SS18L2: variants seen among roughly 807,000 people sequenced by gnomAD.
The protein encoded by SS18L2 is SS18 like 2.
A neutral mutation model predicts 10.3 loss-of-function variants in SS18L2; 8 were observed. The observed-to-expected ratio is 0.78, with a 90% CI of 0.46 to 1.41. The LOEUF (loss-of-function observed/expected upper bound fraction) is 1.41. SS18L2 is among the 40% of genes most tolerant of loss of function. The probability of loss-of-function intolerance (pLI) is 0.00; values close to 1 mark genes in which losing one functional copy is unlikely to be tolerated. For missense variants in SS18L2, 100 were observed against 96.2 expected (o/e 1.04, Z -0.17); for synonymous variants, 41 against 34.6 (o/e 1.19, Z -0.65).
chr3:42,594,644 C>T lies in SS18L2; in HGVS notation c.*135C>T. The T allele has an allele frequency of 1.5e-6, 1 of 658,558 alleles. No individual in the cohort carries two copies. Among genetic ancestry groups the T allele is most frequent in the Non-Finnish European group, 2.6e-6 (1 of 388,418 alleles). The allele number at this position is 658,558 out of a possible 1,614,324, so 40.8% of individuals were successfully genotyped here. ...AAACATGAATGAAACCTCTGTGGCT[C>T]TTTCGAAACGTGAAAATGTGAAGAA... On this transcript the variant is annotated 3_prime_UTR_variant, in exon 3 of 3. Transcript: ENST00000011691.
Position 42,595,018 on chromosome 3 carries a change from T to A in SS18L2, c.*509T>A, listed in dbSNP as rs1704988487. The A allele has an allele frequency of 6.6e-6, 1 of 152,394 alleles. No homozygotes were observed. The highest frequency in any genetic ancestry group is 1.5e-5 in the Non-Finnish European group (1 of 68,180). The allele number at this position is 152,394 out of a possible 1,614,324, so 9.4% of individuals were successfully genotyped here. A position where few individuals can be genotyped will look rare whatever the true frequency, so the allele number is the denominator to read the frequency against. On this transcript the variant is annotated 3_prime_UTR_variant, in exon 3 of 3. Transcript: ENST00000011691. ...AATACTGATGTGGAGGTATAGAAGT[T>A]TTCATGTAATAAGTATTCCATTTGG...
In SS18L2 at chr3:42,596,322, G is replaced by A. The variant is rs1373442970; in HGVS notation, c.*1813G>A. On this transcript the variant is annotated 3_prime_UTR_variant, in exon 3 of 3. Coordinates refer to ENST00000011691, the MANE Select transcript of SS18L2 (RefSeq NM_001370300.1). The stretch of plus-strand genomic sequence containing the variant: ...CAGGCGTAAGCCACCGCGCCCAGCC[G>A]ATCATTTCTGTTTTCTAGAAAATTA... Among the ~76,000 whole-genome samples the A allele has an allele frequency of 2.0e-5, 3 of 152,136 alleles. No homozygotes were observed. The highest frequency in any genetic ancestry group is 4.8e-5 in the African/African-American group (2 of 41,440).
At position 42,594,653 on chromosome 3, in the gene SS18L2, C is replaced by A; in HGVS notation, c.*144C>A. On this transcript the variant is annotated 3_prime_UTR_variant, in exon 3 of 3. Transcript: ENST00000011691. The stretch of plus-strand genomic sequence containing the variant: ...TGAAACCTCTGTGGCTCTTTCGAAA[C>A]GTGAAAATGTGAAGAAAGCTACTAA... The A allele has an allele frequency of 1.7e-6, 1 of 603,856 alleles. No homozygotes were observed. Among genetic ancestry groups the A allele is most frequent in the East Asian group, 2.8e-5 (1 of 35,788 alleles). The allele number at this position is 603,856 out of a possible 1,614,324, so 37.4% of individuals were successfully genotyped here.
At chr3:42,590,805 G>C, upstream of SS18L2, 1 of 1,296,288 alleles carries the variant, frequency 7.7e-7, no homozygotes, top group Non-Finnish European at 1.1e-6. Flanking sequence ...ACCCCGCCCT[G>C]TAGGCGGGAG....
rs1205676329 is a variant in SS18L2, at chr3:42,595,002, G to A, written c.*493G>A. 1 of 152,650 alleles carries A rather than the reference G, an allele frequency of 6.6e-6. No homozygotes were observed. Among genetic ancestry groups the A allele is most frequent in the African/African-American group, 2.4e-5 (1 of 41,458 alleles). 9.5% of individuals were successfully genotyped at this position (152,650 alleles called of 1,614,324 possible). On this transcript the variant is annotated 3_prime_UTR_variant, in exon 3 of 3. Coordinates refer to ENST00000011691, the MANE Select transcript of SS18L2 (RefSeq NM_001370300.1). ...GCTTATTTTTCTATAAAATACTGAT[G>A]TGGAGGTATAGAAGTTTTCATGTAA...
In SS18L2 at chr3:42,596,194, G is replaced by T. The variant is rs957354083; in HGVS notation, c.*1685G>T. ...GTGGCACCATGCCTGGCTAATTTTG[G>T]TATTTTTAGTAGAGACGGGGTTTCT... is the stretch of plus-strand genomic sequence containing the variant. On this transcript the variant is annotated 3_prime_UTR_variant, in exon 3 of 3. Transcript: ENST00000011691. 6.6e-6 allele frequency among the ~76,000 whole-genome samples: 1 copy of T among 151,894 alleles called. No individual in the cohort carries two copies. The highest frequency in any genetic ancestry group is 1.5e-5 in the Non-Finnish European group (1 of 67,956).
Position 42,596,348 on chromosome 3 carries a change from T to C in SS18L2, c.*1839T>C, listed in dbSNP as rs1705029960. The stretch of plus-strand genomic sequence containing the variant: ...ATCATTTCTGTTTTCTAGAAAATTA[T>C]TTTGTCTGTTTCCCCACTAGCATTC... On this transcript the variant is annotated 3_prime_UTR_variant, in exon 3 of 3. Transcript: ENST00000011691. Among the ~76,000 whole-genome samples, 1 of 152,210 alleles carries C rather than the reference T, an allele frequency of 6.6e-6. No homozygotes were observed. Among genetic ancestry groups the C allele is most frequent in the African/African-American group, 2.4e-5 (1 of 41,456 alleles).
At chr3:42,588,705 A>G (rs568029168), upstream of SS18L2, among the ~76,000 whole-genome samples, 1 of 151,984 alleles carries the variant, frequency 6.6e-6, no homozygotes, top group African/African-American at 2.4e-5. Flanking sequence ...AGGTGGGAGG[A>G]TTGTTGTCTG....
At chr3:42,589,290 T>C (rs1280348017), upstream of SS18L2, among the ~76,000 whole-genome samples, 2 of 150,008 alleles carry the variant, frequency 1.3e-5, no homozygotes, top group African/African-American at 2.5e-5. Flanking sequence ...AAAAAAGAAA[T>C]GGGATGAAAG....
At position 42,594,504 on chromosome 3, in the gene SS18L2, G is replaced by C; in HGVS notation, c.229G>C (p.Glu77Gln). Residue 77 changes from glutamate to glutamine, a missense_variant, in exon 3 of 3, where the codon GAA becomes CAA. Glu to Gln is a conservative substitution (Grantham distance 29). Coordinates refer to ENST00000011691, the MANE Select transcript of SS18L2 (RefSeq NM_001370300.1). ...TCCAACCAGCACTTCAAAAGCAATG[G>C]AATAATCTTTCAAAAGCAATAGAAT... is the stretch of plus-strand genomic sequence containing the variant. ...ASPTSTSKAM[E>Q] is the part of the protein sequence containing the mutation. 1 of 1,612,792 alleles carries C rather than the reference G, an allele frequency of 6.2e-7. No homozygotes were observed. The highest frequency in any genetic ancestry group is 8.5e-7 in the Non-Finnish European group (1 of 1,178,894).
In SS18L2 at chr3:42,596,074, T is replaced by G. The variant is rs886647995; in HGVS notation, c.*1565T>G. ...GAGACGGAATCTCGCTCTGTCGGAG[T>G]GCAGTGGTGCAATTTTGGCTCACTG... On this transcript the variant is annotated 3_prime_UTR_variant, in exon 3 of 3. Coordinates refer to ENST00000011691, the MANE Select transcript of SS18L2 (RefSeq NM_001370300.1). Among the ~76,000 whole-genome samples, 6 of 152,138 alleles carry G rather than the reference T, an allele frequency of 3.9e-5. No individual in the cohort carries two copies. The highest frequency in any genetic ancestry group is 1.4e-4 in the African/African-American group (6 of 41,514).
At chr3:42,592,515 A>T in intron 2 of SS18L2, among the ~76,000 whole-genome samples, 1 of 152,164 alleles carries the variant, frequency 6.6e-6, no homozygotes, top group Non-Finnish European at 1.5e-5. Flanking sequence ...CCCATTTCTT[A>T]TAGAAAAATA....
chr3:42,590,833 G>A, upstream of SS18L2: 1 of 1,550,534 alleles, frequency 6.4e-7, no homozygotes, highest in Non-Finnish European at 8.9e-7. Context: ...TCAACTTCGA[G>A]AGCGTAGGCC....
chr3:42,591,348 G>T, intron 1 of SS18L2, 177 bp from the exon 2 acceptor site: 1 of 603,818 alleles, frequency 1.7e-6, no homozygotes, highest in Non-Finnish European at 2.9e-6. Flanking sequence ...ACAGGAGCGC[G>T]ACGCCACTCC....
upstream of SS18L2, among the ~76,000 whole-genome samples, chr3:42,586,815 CA>C (rs1704627138): frequency 6.6e-6 from 1 of 152,162 alleles, no homozygotes; most frequent in African/African-American, 2.4e-5. Flanking sequence ...GTTTCAGCCC[CA>C]AATAGCCACA....
upstream of SS18L2, among the ~76,000 whole-genome samples, chr3:42,589,212 T>C (rs1704724345): frequency 6.7e-6 from 1 of 149,888 alleles, no homozygotes; most frequent in African/African-American, 2.5e-5. Flanking sequence ...GAGGTTGCAG[T>C]GAGCCGAGAT....
chr3:42,590,738 G>A (rs1577372527), upstream of SS18L2: 12 of 785,776 alleles, frequency 1.5e-5, no homozygotes, highest in South Asian at 1.8e-4. Flanking sequence ...GGCTGGGACC[G>A]AGGAAAGCGC....
chr3:42,591,201 CTTT>C (rs71616053), intron 1 of SS18L2: 1,582 of 483,526 alleles, frequency 3.3e-3, no homozygotes, highest in Middle Eastern at 4.3e-3. Flanking sequence ...CCTTTCTCTC[CTTT>C]TTTTTTTTTT....
chr3:42,592,344 C>A (rs1463539514), intron 2 of SS18L2, among the ~76,000 whole-genome samples: 1 of 152,028 alleles, frequency 6.6e-6, no homozygotes, highest in Non-Finnish European at 1.5e-5. Flanking sequence ...GGACTACAGG[C>A]GTGTGCCACC....
Sources: allele counts gnomAD v4.1 joint callset (sites outside exome capture counted in the v4.1 genomes callset), GRCh38; gene constraint gnomAD v4.1.1; transcripts MANE v1.5; gene names NCBI Gene and HGNC (gene_info 2026-07-23, HGNC 2026-07-21).